RCOR1: variants seen among roughly 807,000 people sequenced by gnomAD.
RCOR1 encodes the protein REST corepressor 1.
RCOR1 carries 12 observed loss-of-function variants against 64.0 expected under a neutral mutation model. That is an observed-to-expected ratio of 0.19 (90% CI 0.12 to 0.30). The LOEUF (loss-of-function observed/expected upper bound fraction) is 0.30. Among genes scored for constraint, RCOR1 ranks in the 10% least tolerant of loss-of-function variants. The probability of loss-of-function intolerance (pLI) is 1.00; values close to 1 mark genes in which losing one functional copy is unlikely to be tolerated. For missense variants in RCOR1, 502 were observed against 621.2 expected (o/e 0.81, Z 2.04); for synonymous variants, 279 against 227.2 (o/e 1.23, Z -2.05).
At position 102,708,599 on chromosome 14, in the gene RCOR1, G is replaced by A. The variant is rs1382948130; in HGVS notation, c.779+16G>A. ...GGGAGGAGAGGTGAGCACATGGCTG[G>A]GGTGTTGTCTAACCACTTAGGGGAC... On this transcript the variant is annotated intron_variant, in intron 6 of 11. Transcript: ENST00000262241. 2.1e-6 allele frequency: 3 copies of A among 1,436,594 alleles called. No individual in the cohort carries two copies. The highest frequency in any genetic ancestry group is 2.0e-6 in the Non-Finnish European group (2 of 1,020,086). The allele number at this position is 1,436,594 out of a possible 1,614,324, so 89.0% of individuals were successfully genotyped here. A position where few individuals can be genotyped will look rare whatever the true frequency, so the allele number is the denominator to read the frequency against.
intron 2 of RCOR1, among the ~76,000 whole-genome samples, chr14:102,679,816 T>A (rs1895267209): frequency 3.9e-5 from 6 of 152,222 alleles, no homozygotes; most frequent in Admixed American, 6.5e-5. Flanking sequence ...CATTCTTGAT[T>A]ACTGATTTTT....
chr14:102,714,696 G>A, intron 8 of RCOR1, 79 bp downstream of exon 8: 3 of 1,123,218 alleles, frequency 2.7e-6, no homozygotes, highest in Middle Eastern at 2.1e-4. Flanking sequence ...ATATGTGAAT[G>A]TTCTCTTTCC....
Position 102,730,097 on chromosome 14 carries a change from A to G in RCOR1, c.*3591A>G, listed in dbSNP as rs188016008. 5.2e-4 allele frequency: 207 copies of G among 398,802 alleles called. 1 individual carries two copies. In the East Asian group the frequency reaches 7.1e-3, roughly 14 times the overall value. The allele number at this position is 398,802 out of a possible 1,614,324, so 24.7% of individuals were successfully genotyped here. A position where few individuals can be genotyped will look rare whatever the true frequency, so the allele number is the denominator to read the frequency against. ...GAAGAAGGGAAGGTCAGCAGAGGCT[A>G]TGCATGTTGTGTGATGATGAGTGTT... On this transcript the variant is annotated 3_prime_UTR_variant, in exon 12 of 12. Coordinates refer to ENST00000262241, the MANE Select transcript of RCOR1 (RefSeq NM_015156.4).
chr14:102,600,483 CCTCTGT>C (rs1165346893), intron 2 of RCOR1, among the ~76,000 whole-genome samples: 2 of 152,006 alleles, frequency 1.3e-5, no homozygotes, highest in African/African-American at 4.8e-5. Flanking sequence ...CTCACTGCAA[CCTCTGT>C]CTCCCAGGTT....
intron 2 of RCOR1, among the ~76,000 whole-genome samples, chr14:102,650,627 C>G (rs977086468): frequency 6.6e-6 from 1 of 151,884 alleles, no homozygotes; most frequent in East Asian, 1.9e-4. Flanking sequence ...GATTAAGCCA[C>G]TTAATTTTCC....
chr14:102,706,043 GAGA>G (rs1391376006), intron 4 of RCOR1, among the ~76,000 whole-genome samples: 1 of 139,808 alleles, frequency 7.2e-6, no homozygotes, highest in Non-Finnish European at 1.5e-5. Context: ...GCCTGGAAGG[GAGA>G]AGGTTGCAGT....
intron 3 of RCOR1, among the ~76,000 whole-genome samples, chr14:102,686,525 A>G (rs1403011591): frequency 1.3e-5 from 2 of 152,210 alleles, no homozygotes; most frequent in Non-Finnish European, 2.9e-5. Flanking sequence ...ACAAATGTAT[A>G]ATGACCTGTC....
chr14:102,714,765 C>G (rs1030080032), intron 8 of RCOR1, 148 bp downstream of exon 8: 20 of 585,008 alleles, frequency 3.4e-5, no homozygotes, highest in Non-Finnish European at 4.7e-5. Context: ...AGTACCAGCC[C>G]ATTGTTTTTC....
chr14:102,718,567 C>T (rs1382835664), intron 8 of RCOR1, among the ~76,000 whole-genome samples: 1 of 134,666 alleles, frequency 7.4e-6, no homozygotes, highest in Non-Finnish European at 1.6e-5. Context: ...ACAGAAAGTT[C>T]TGTATGACTG....
intron 3 of RCOR1, among the ~76,000 whole-genome samples, chr14:102,700,037 G>A (rs1454962996): frequency 6.6e-6 from 1 of 151,872 alleles, no homozygotes; most frequent in East Asian, 1.9e-4. Context: ...CCAAGCACTG[G>A]GTCACGTAAT....
intron 2 of RCOR1, among the ~76,000 whole-genome samples, chr14:102,658,290 G>A (rs960660603): frequency 5.9e-5 from 9 of 151,944 alleles, no homozygotes; most frequent in African/African-American, 2.2e-4. Context: ...TTTAAAAAAG[G>A]TTTTTCTGGC....
At chr14:102,708,675 C>A (rs1181857779) in intron 6 of RCOR1, 92 bp downstream of exon 6, 1 of 708,424 alleles carries the variant, frequency 1.4e-6, no homozygotes, top group South Asian at 1.7e-5. Flanking sequence ...CTGGTTTTCC[C>A]TCCGCGCCTT....
chr14:102,630,093 A>C, intron 2 of RCOR1: 1 of 673,234 alleles, frequency 1.5e-6, no homozygotes, highest in Non-Finnish European at 1.8e-6. Flanking sequence ...TTTGATCTCC[A>C]GTGTTGGAGG....
intron 2 of RCOR1, among the ~76,000 whole-genome samples, chr14:102,597,256 C>CT (rs1029776985): frequency 6.6e-6 from 1 of 151,930 alleles, no homozygotes; most frequent in African/African-American, 2.4e-5. Flanking sequence ...TAACAGGCAG[C>CT]TTTTTTTCTT....
intron 2 of RCOR1, among the ~76,000 whole-genome samples, chr14:102,618,301 T>C (rs548356075): frequency 7.2e-5 from 11 of 152,084 alleles, no homozygotes; most frequent in African/African-American, 2.7e-4. Flanking sequence ...ATTTGTTTCA[T>C]CAGTATATAT....
rs554485822 is a variant in RCOR1, at chr14:102,617,208, ACATT to A, written c.361+23885_361+23888del. 1.3e-3 allele frequency among the ~76,000 whole-genome samples: 196 copies of A among 152,354 alleles called. 2 individuals are homozygous for A. The highest frequency in any genetic ancestry group is 4.6e-3 in the African/African-American group (193 of 41,586). On this transcript the variant is annotated intron_variant, in intron 2 of 11. Transcript: ENST00000262241. ...ATGCATGCAGTTTTTTACCTTAGACACATTCGTTCGTTGACTGTTTAATTGTAAA... is the reference window on the plus strand; with the variant it reads ...ATGCATGCAGTTTTTTACCTTAGACACGTTCGTTGACTGTTTAATTGTAAA...
intron 2 of RCOR1, among the ~76,000 whole-genome samples, chr14:102,670,966 G>T (rs771622982): frequency 4.6e-5 from 7 of 151,952 alleles, no homozygotes; most frequent in Admixed American, 2.6e-4. Flanking sequence ...TAGAGATGGG[G>T]TTTCACCATG....
chr14:102,679,700 G>T (rs1895263766), intron 2 of RCOR1, among the ~76,000 whole-genome samples: 1 of 152,086 alleles, frequency 6.6e-6, no homozygotes, highest in Non-Finnish European at 1.5e-5. Flanking sequence ...GGATGGTCTT[G>T]ATCCCCTGAC....
At chr14:102,683,588 G>A (rs1327534900) in intron 3 of RCOR1, among the ~76,000 whole-genome samples, 1 of 152,228 alleles carries the variant, frequency 6.6e-6, no homozygotes, top group East Asian at 1.9e-4. Context: ...CTTCCCCGGG[G>A]GTCCCAAGCA....
Sources: allele counts gnomAD v4.1 joint callset (sites outside exome capture counted in the v4.1 genomes callset), GRCh38; gene constraint gnomAD v4.1.1; transcripts MANE v1.5; gene names NCBI Gene and HGNC (gene_info 2026-07-23, HGNC 2026-07-21).